RBPJ: variants seen among roughly 807,000 people sequenced by gnomAD.
RBPJ encodes recombining binding protein suppressor of hairless.
In RBPJ, 9 loss-of-function variants were observed where a neutral mutation model predicts 67.8. That is an observed-to-expected ratio of 0.13 (90% CI 0.08 to 0.23). The LOEUF is 0.23. Ranked by LOEUF, RBPJ falls within the 10% of genes least tolerant of loss-of-function variation. RBPJ has a pLI of 1.00. For missense variants in RBPJ, 305 were observed against 595.6 expected, an observed-to-expected ratio of 0.51 and a Z score of 5.08; for synonymous variants, 198 against 203.3, an observed-to-expected ratio of 0.97 and a Z score of 0.22.
intron 1 of RBPJ, among the ~76,000 whole-genome samples, chr4:26,368,925 A>G (rs1728885937): frequency 1.3e-5 from 2 of 152,196 alleles, no homozygotes; most frequent in African/African-American, 4.8e-5. Context: ...TTCATATTTG[A>G]AATAAACAGT....
At chr4:26,313,927 T>C (rs1282448790) in intron 1 of RBPJ, among the ~76,000 whole-genome samples, 3 of 152,352 alleles carry the variant, frequency 2.0e-5, no homozygotes, top group South Asian at 4.1e-4. Flanking sequence ...ATTTATTCCA[T>C]TTCTTTCTTT....
intron 1 of RBPJ, among the ~76,000 whole-genome samples, chr4:26,245,389 A>G (rs1024501289): frequency 2.0e-5 from 3 of 151,778 alleles, no homozygotes; most frequent in Admixed American, 6.6e-5. Flanking sequence ...TTGTATTTTT[A>G]GTGGAGACGG....
intron 1 of RBPJ, among the ~76,000 whole-genome samples, chr4:26,233,300 A>G (rs1719349181): frequency 6.6e-6 from 1 of 152,216 alleles, no homozygotes; most frequent in Admixed American, 6.5e-5. Context: ...TGTTAGAGGC[A>G]TTTATACAAC....
At chr4:26,408,420 T>C (rs887537375) in intron 3 of RBPJ, among the ~76,000 whole-genome samples, 4 of 151,976 alleles carry the variant, frequency 2.6e-5, no homozygotes, top group Non-Finnish European at 5.9e-5. Flanking sequence ...GAAGTTGATA[T>C]TAGAAATTCA....
intron 1 of RBPJ, among the ~76,000 whole-genome samples, chr4:26,243,866 G>A (rs1192266367): frequency 1.3e-5 from 2 of 152,084 alleles, no homozygotes; most frequent in Non-Finnish European, 2.9e-5. Flanking sequence ...AGGCCAGTGT[G>A]GGTGGGTTGC....
chr4:26,215,011 GGAGAGAA>G (rs1297374534), intron 1 of RBPJ, among the ~76,000 whole-genome samples: 1 of 64,038 alleles, frequency 1.6e-5, no homozygotes, highest in East Asian at 9.4e-4. Flanking sequence ...AAGGAAGGAA[GGAGAGAA>G]AGAAAGAAAG....
At chr4:26,215,636 C>T (rs1718699140) in intron 1 of RBPJ, among the ~76,000 whole-genome samples, 3 of 152,104 alleles carry the variant, frequency 2.0e-5, no homozygotes, top group Non-Finnish European at 2.9e-5. Flanking sequence ...TTTCACAACA[C>T]GTCCTGAGAT....
intron 1 of RBPJ, among the ~76,000 whole-genome samples, chr4:26,279,238 C>A (rs1721178149): frequency 6.6e-6 from 1 of 152,110 alleles, no homozygotes; most frequent in South Asian, 2.1e-4. Context: ...GTGAGCCTAG[C>A]CACTTATAGA....
intron 4 of RBPJ, among the ~76,000 whole-genome samples, chr4:26,416,268 T>C (rs929443967): frequency 3.9e-5 from 6 of 152,166 alleles, no homozygotes; most frequent in African/African-American, 1.4e-4. Context: ...TCTTTTTTTT[T>C]CTTCCCCCGG....
At chr4:26,426,110 A>G (rs1192965618) in intron 7 of RBPJ, among the ~76,000 whole-genome samples, 1 of 152,230 alleles carries the variant, frequency 6.6e-6, no homozygotes, top group East Asian at 1.9e-4. Flanking sequence ...TTAGGGAATG[A>G]AGGGCATGAA....
chr4:26,214,866 A>G, intron 1 of RBPJ, among the ~76,000 whole-genome samples: 1 of 114,416 alleles, frequency 8.7e-6, no homozygotes, highest in African/African-American at 3.2e-5. Context: ...GAGGAAAGAG[A>G]AAATGAAAAA....
intron 1 of RBPJ, among the ~76,000 whole-genome samples, chr4:26,295,736 G>A (rs1424633074): frequency 1.3e-5 from 2 of 152,078 alleles, no homozygotes; most frequent in Non-Finnish European, 2.9e-5. Flanking sequence ...CTTGGATGAG[G>A]GCCGTTAATT....
At chr4:26,236,213 TTGAG>T (rs761916422) in intron 1 of RBPJ, among the ~76,000 whole-genome samples, 4 of 152,228 alleles carry the variant, frequency 2.6e-5, no homozygotes, top group African/African-American at 4.8e-5. Flanking sequence ...GGCTGTGACC[TTGAG>T]TGAGTAGGCC....
intron 1 of RBPJ, among the ~76,000 whole-genome samples, chr4:26,369,205 A>G (rs2109539030): frequency 6.6e-6 from 1 of 152,340 alleles, no homozygotes; most frequent in Middle Eastern, 3.4e-3. Context: ...AAACTGAGAG[A>G]ATAGCTAGAT....
At chr4:26,111,129 G>A in the RBPJ span, among the ~76,000 whole-genome samples, 2 of 152,086 alleles carry the variant, frequency 1.3e-5, no homozygotes, top group African/African-American at 2.4e-5. Context: ...GTTCACTATC[G>A]TCAACATGCA....
upstream of RBPJ, among the ~76,000 whole-genome samples, chr4:26,318,099 A>T (rs947643839): frequency 1.3e-5 from 2 of 151,980 alleles, no homozygotes; most frequent in African/African-American, 4.8e-5. Flanking sequence ...TGTGTATATA[A>T]TCAATAGGCA....
rs1348512062 is a variant in RBPJ, at chr4:26,210,700, T to TTTCTTTCTTTCTTTCTTTCCTTCTTCCC, written c.-167+47093_-167+47094insTTTCTTTCTTTCCTTCTTCCCTTCTTTC. Among the ~76,000 whole-genome samples the TTTCTTTCTTTCTTTCTTTCCTTCTTCCC allele has an allele frequency of 3.3e-5, 2 of 59,850 alleles. 1 individual carries two copies. Among genetic ancestry groups the TTTCTTTCTTTCTTTCTTTCCTTCTTCCC allele is most frequent in the Non-Finnish European group, 7.0e-5 (2 of 28,548 alleles). 39.3% of individuals were successfully genotyped at this position (59,850 alleles called of 152,430 possible). On this transcript the variant is annotated intron_variant, in intron 1 of 4. Transcript: ENST00000512351. ...TTTCTTTCTTTCCTTTCTTTCTTTC[T>TTTCTTTCTTTCTTTCTTTCCTTCTTCCC]TTCTTTCCTTCTTTCCTTCTTTCTT...
chr4:26,110,041 G>C, the RBPJ span, among the ~76,000 whole-genome samples: 2 of 152,166 alleles, frequency 1.3e-5, no homozygotes, highest in East Asian at 3.9e-4. This position sits in a 1 kb window ranked among gnomAD's most constrained non-coding sequence, Gnocchi z 4.5. Flanking sequence ...GATCCATCCA[G>C]TGTAATAACC....
intron 1 of RBPJ, among the ~76,000 whole-genome samples, chr4:26,202,744 C>T (rs992772672): frequency 4.6e-5 from 7 of 151,752 alleles, no homozygotes; most frequent in African/African-American, 1.5e-4. Flanking sequence ...CCCATCTTTA[C>T]AAAAACATAC....
Sources: allele counts gnomAD v4.1 joint callset (sites outside exome capture counted in the v4.1 genomes callset), GRCh38; gene constraint gnomAD v4.1.1; non-coding constraint Gnocchi (gnomAD v3.1); transcripts MANE v1.5; gene names NCBI Gene and HGNC (gene_info 2026-07-23, HGNC 2026-07-21).